The following CDH11 variants were observed in gnomAD, a reference collection of about 807,000 sequenced individuals.
CDH11 encodes cadherin 11.
In CDH11, 11 loss-of-function variants were observed where a neutral mutation model predicts 67.8. The observed-to-expected ratio is 0.16, with a 90% CI of 0.10 to 0.27. The LOEUF (loss-of-function observed/expected upper bound fraction) is 0.27, where lower values mean the gene tolerates loss of function less well. Among genes scored for constraint, CDH11 ranks in the 10% least tolerant of loss-of-function variants. The pLI is 1.00. For synonymous variants in CDH11, 419 were observed against 400.0 expected (o/e 1.05, Z -0.57); for missense variants, 847 against 1,031.2 (o/e 0.82, Z 2.45).
intron 11 of CDH11, among the ~76,000 whole-genome samples, chr16:64,956,371 A>G (rs1643708369): frequency 6.6e-6 from 1 of 152,258 alleles, no homozygotes; most frequent in Admixed American, 6.5e-5. Context: ...TAGACTAATG[A>G]GGAAGAGAAA....
chr16:65,080,227 A>G (rs1216917874), intron 1 of CDH11, among the ~76,000 whole-genome samples: 1 of 150,302 alleles, frequency 6.7e-6, no homozygotes, highest in Non-Finnish European at 1.5e-5. Context: ...CAACCATTCA[A>G]CCCCTACTAC....
intron 12 of CDH11, among the ~76,000 whole-genome samples, chr16:64,949,176 G>A (rs2071281730): frequency 6.6e-6 from 1 of 151,960 alleles, no homozygotes; most frequent in African/African-American, 2.4e-5. Flanking sequence ...AGGACTACTG[G>A]CACCTTTTTC....
Position 65,121,841 on chromosome 16 carries a change from C to T in CDH11, c.-298+39G>A, listed in dbSNP as rs905652970. 1 of 701,866 alleles carries T rather than the reference C, an allele frequency of 1.4e-6. No homozygotes were observed. The highest frequency in any genetic ancestry group is 1.7e-5 in the African/African-American group (1 of 57,244). 43.5% of individuals were successfully genotyped at this position (701,866 alleles called of 1,614,324 possible). On this transcript the variant is annotated intron_variant, in intron 1 of 12. Coordinates refer to ENST00000268603, the MANE Select transcript of CDH11 (RefSeq NM_001797.4). The surrounding 1 kb of genome is among the most constrained non-coding windows in gnomAD (Gnocchi z 4.1). ...ATCCTGCCCCCCATTCCAAGAAGCC[C>T]CAACCAGGCGAGAGGAAGGGACTGG...
chr16:64,961,724 G>A (rs1048455645), intron 11 of CDH11, among the ~76,000 whole-genome samples: 2 of 151,822 alleles, frequency 1.3e-5, no homozygotes, highest in South Asian at 4.2e-4. Context: ...GGAATAAGAG[G>A]GTTGAAAATT....
intron 2 of CDH11, among the ~76,000 whole-genome samples, chr16:65,014,532 G>A (rs1206533105): frequency 6.6e-6 from 1 of 152,126 alleles, no homozygotes; most frequent in African/African-American, 2.4e-5. Flanking sequence ...GCCACGTGGG[G>A]CTAGTGGCCA....
At chr16:65,032,081 G>T (rs1312651275) in intron 2 of CDH11, among the ~76,000 whole-genome samples, 2 of 152,048 alleles carry the variant, frequency 1.3e-5, no homozygotes, top group African/African-American at 4.8e-5. Context: ...ATGGAATAAA[G>T]GCAAAGGAAA....
intron 3 of CDH11, among the ~76,000 whole-genome samples, chr16:64,999,998 G>A (rs1403779253): frequency 1.3e-5 from 2 of 152,186 alleles, no homozygotes; most frequent in Non-Finnish European, 2.9e-5. Flanking sequence ...GGCCTGCCTG[G>A]AAGAAGTGTC....
At chr16:64,979,769 G>A (rs781167648) in intron 8 of CDH11, among the ~76,000 whole-genome samples, 28 of 152,102 alleles carry the variant, frequency 1.8e-4, no homozygotes, top group Non-Finnish European at 3.5e-4. Context: ...ACATGTCCAG[G>A]AATGTTCAGC....
At chr16:65,104,073 C>T (rs1425254707) in intron 1 of CDH11, among the ~76,000 whole-genome samples, 1 of 152,032 alleles carries the variant, frequency 6.6e-6, no homozygotes, top group Non-Finnish European at 1.5e-5. Context: ...CAATTATAAA[C>T]ATATAAAAGC....
chr16:65,031,765 G>T (rs2073648355), intron 2 of CDH11, among the ~76,000 whole-genome samples: 2 of 152,186 alleles, frequency 1.3e-5, no homozygotes, highest in Admixed American at 1.3e-4. Flanking sequence ...TTTATTCTTT[G>T]GCCACTGCAA....
At chr16:65,092,419 C>T (rs2074807423) in intron 1 of CDH11, among the ~76,000 whole-genome samples, 2 of 152,210 alleles carry the variant, frequency 1.3e-5, no homozygotes, top group Admixed American at 1.3e-4. Context: ...CAATCCCATT[C>T]AGCCCAGGGA....
At chr16:65,051,411 C>T (rs1455274293) in intron 2 of CDH11, among the ~76,000 whole-genome samples, 1 of 151,648 alleles carries the variant, frequency 6.6e-6, no homozygotes, top group Non-Finnish European at 1.5e-5. Context: ...GTTTTTTGCC[C>T]ATAATATGGG....
At chr16:65,106,693 TG>T (rs1567583016) in intron 1 of CDH11, among the ~76,000 whole-genome samples, 1 of 152,246 alleles carries the variant, frequency 6.6e-6, no homozygotes, top group East Asian at 1.9e-4. Context: ...CTGTAAATCC[TG>T]GGTGCAAGAT....
At chr16:65,103,798 T>TA (rs2075028611) in intron 1 of CDH11, among the ~76,000 whole-genome samples, 1 of 152,148 alleles carries the variant, frequency 6.6e-6, no homozygotes, top group African/African-American at 2.4e-5. Flanking sequence ...AAAGACAGTA[T>TA]AAAAAAGATA....
intron 8 of CDH11, 63 bp downstream of exon 8, chr16:64,981,985 T>A: frequency 6.7e-7 from 1 of 1,481,672 alleles, no homozygotes; most frequent in Non-Finnish European, 9.1e-7. Flanking sequence ...CCTACAGGGC[T>A]TTCCCAGAAC....
chr16:64,974,160 T>C (rs920868179), intron 8 of CDH11, among the ~76,000 whole-genome samples: 1 of 152,148 alleles, frequency 6.6e-6, no homozygotes, highest in Non-Finnish European at 1.5e-5. Flanking sequence ...TTGCCCAGGA[T>C]ACAGTCTTGT....
intron 1 of CDH11, among the ~76,000 whole-genome samples, chr16:65,060,326 C>G (rs2074215958): frequency 7.8e-6 from 1 of 128,784 alleles, no homozygotes; most frequent in South Asian, 2.8e-4. Context: ...AGCACACCCA[C>G]TATAAAATTT....
intron 2 of CDH11, among the ~76,000 whole-genome samples, chr16:65,018,516 G>A (rs2073359487): frequency 6.6e-6 from 1 of 152,104 alleles, no homozygotes; most frequent in Non-Finnish European, 1.5e-5. Context: ...AAATAGGGGA[G>A]AGAGAAAGAA....
chr16:65,026,566 T>C (rs970701002), intron 2 of CDH11, among the ~76,000 whole-genome samples: 1 of 152,124 alleles, frequency 6.6e-6, no homozygotes, highest in Non-Finnish European at 1.5e-5. Context: ...AATAGTTAAG[T>C]GATAAGAATT....
Sources: gnomAD v4.1 joint callset for allele counts (sites outside exome capture counted in the v4.1 genomes callset) on GRCh38, gnomAD v4.1.1 for gene constraint, Gnocchi (gnomAD v3.1) non-coding constraint, MANE v1.5 for transcripts, NCBI Gene and HGNC (gene_info 2026-07-23, HGNC 2026-07-21) for gene names.